The following ARHGEF10L variants were observed in gnomAD, a reference collection of about 807,000 sequenced individuals.
ARHGEF10L encodes Rho guanine nucleotide exchange factor 10 like.
In ARHGEF10L, 69 loss-of-function variants were observed where a neutral mutation model predicts 141.2. The ratio of observed to expected loss-of-function variants is 0.49; its 90% CI spans 0.40 to 0.60. ARHGEF10L has a LOEUF of 0.60. Among genes scored for constraint, ARHGEF10L ranks in the 20% least tolerant of loss-of-function variants. The pLI is 0.00. For missense variants in ARHGEF10L, 1,482 were observed against 1,734.3 expected (o/e 0.85, Z 2.58); for synonymous variants, 711 against 718.5 (o/e 0.99, Z 0.17).
intron 2 of ARHGEF10L, among the ~76,000 whole-genome samples, chr1:17,586,649 G>A (rs1014829207): frequency 2.0e-5 from 3 of 152,258 alleles, no homozygotes; most frequent in Non-Finnish European, 2.9e-5. Context: ...GGTCTGGGCC[G>A]GTCCAGGACC....
chr1:17,666,405 G>T (rs1054938762), intron 26 of ARHGEF10L, among the ~76,000 whole-genome samples: 1 of 152,156 alleles, frequency 6.6e-6, no homozygotes, highest in Non-Finnish European at 1.5e-5. Flanking sequence ...CCATGTGCAG[G>T]ACCAGTGGGT....
intron 9 of ARHGEF10L, among the ~76,000 whole-genome samples, chr1:17,616,768 G>T (rs2059830505): frequency 1.3e-5 from 2 of 152,218 alleles, no homozygotes; most frequent in Admixed American, 1.3e-4. Context: ...GGATGGACTT[G>T]GGGGATGAAA....
chr1:17,676,528 T>C (rs1457655025), intron 26 of ARHGEF10L, among the ~76,000 whole-genome samples: 1 of 151,956 alleles, frequency 6.6e-6, no homozygotes, highest in African/African-American at 2.4e-5. Context: ...GCAGGCTCCA[T>C]GTGGCTCCCC....
intron 4 of ARHGEF10L, among the ~76,000 whole-genome samples, chr1:17,601,066 A>AAC (rs1553187684): frequency 3.7e-4 from 45 of 120,696 alleles, no homozygotes; most frequent in African/African-American, 1.3e-3. Flanking sequence ...AAAAAAAAAA[A>AAC]AACAAAAAAC....
Position 17,613,140 on chromosome 1 carries a change from A to G in ARHGEF10L, c.692A>G (p.Asp231Gly). Reference protein sequence around the residue: ...DILALRVGGRDMQELKHKYDC... With the variant: ...DILALRVGGRGMQELKHKYDC... ...TTGGCTTTGAGAGTTGGGGGGAGAGACATGCAGGAGCTGAAGCACAAGTAC... is the reference window on the plus strand; with the variant it reads ...TTGGCTTTGAGAGTTGGGGGGAGAGGCATGCAGGAGCTGAAGCACAAGTAC... The change falls in exon 8 of 29, where the codon GAC becomes GGC. Residue 231 changes from aspartate (D) to glycine (G), a missense_variant. Coordinates refer to ENST00000361221, the MANE Select transcript of ARHGEF10L (RefSeq NM_018125.4). The G allele has an allele frequency of 6.2e-7, 1 of 1,613,850 alleles. No individual in the cohort carries two copies. The highest frequency in any genetic ancestry group is 8.5e-7 in the Non-Finnish European group (1 of 1,179,872).
chr1:17,624,670 C>T (rs1482209837), intron 13 of ARHGEF10L, among the ~76,000 whole-genome samples, 167 bp downstream of exon 13: 1 of 152,158 alleles, frequency 6.6e-6, no homozygotes, highest in Admixed American at 6.5e-5. Context: ...AAATCGTTCC[C>T]TCCTGCCCCT....
At chr1:17,551,326 C>A (rs28441344) in intron 1 of ARHGEF10L, among the ~76,000 whole-genome samples, 2,771 of 141,708 alleles carry the variant, frequency 0.02, 82 homozygotes, top group African/African-American at 0.069. Context: ...GAAGGGTGGG[C>A]GGTGCCTGAT....
the ARHGEF10L span, among the ~76,000 whole-genome samples, chr1:17,526,366 C>T: frequency 6.6e-6 from 1 of 152,194 alleles, no homozygotes; most frequent in African/African-American, 2.4e-5. Flanking sequence ...GGAGAAGAGG[C>T]CTCCTAAGTC....
intron 1 of ARHGEF10L, among the ~76,000 whole-genome samples, chr1:17,556,090 C>A (rs1159339289): frequency 1.8e-5 from 2 of 114,098 alleles, no homozygotes; most frequent in Non-Finnish European, 1.7e-5. Flanking sequence ...GGCCTGGGAA[C>A]ACAGGGATGA....
chr1:17,526,573 T>G, the ARHGEF10L span, among the ~76,000 whole-genome samples: 1 of 152,152 alleles, frequency 6.6e-6, no homozygotes, highest in African/African-American at 2.4e-5. Flanking sequence ...GGCCATATCT[T>G]GGCACCAGGG....
At chr1:17,592,807 C>T (rs780762855) in intron 4 of ARHGEF10L, among the ~76,000 whole-genome samples, 12 of 152,152 alleles carry the variant, frequency 7.9e-5, no homozygotes, top group African/African-American at 1.7e-4. Flanking sequence ...GAGCCTCCTG[C>T]GTCCTGTCCC....
chr1:17,603,471 C>T lies in ARHGEF10L; in HGVS notation c.350-37C>T, dbSNP rs770950032. ...AGCACCTCTGGCCAGGCTGCCACAGCCCACGGTGGTGCTCTCTCTCCCCAC... is the reference window on the plus strand; with the variant it reads ...AGCACCTCTGGCCAGGCTGCCACAGTCCACGGTGGTGCTCTCTCTCCCCAC... On this transcript the variant is annotated intron_variant, in intron 5 of 28. Coordinates refer to ENST00000361221, the MANE Select transcript of ARHGEF10L (RefSeq NM_018125.4). The surrounding 1 kb of genome is among the most constrained non-coding windows in gnomAD (Gnocchi z 4.8). 3 of 1,586,674 alleles carry T rather than the reference C, an allele frequency of 1.9e-6. No homozygotes were observed. Among genetic ancestry groups the T allele is most frequent in the East Asian group, 2.2e-5 (1 of 44,532 alleles).
At chr1:17,515,291 C>CTTTTTT in the ARHGEF10L span, among the ~76,000 whole-genome samples, 1 of 132,000 alleles carries the variant, frequency 7.6e-6, no homozygotes, top group Non-Finnish European at 1.6e-5. Context: ...CTTTTTCTCT[C>CTTTTTT]TTTTTTTTTT....
rs887010010 is a variant in ARHGEF10L at position 17,637,330 on chromosome 1, C to G, written c.1928-558C>G. ...CACTTCCAGCCCTATGCAGGCCCCT[C>G]CTCTCTCCCAGGCACAGCTTGCTCT... On this transcript the variant is annotated intron_variant, in intron 18 of 28. Coordinates refer to ENST00000361221, the MANE Select transcript of ARHGEF10L (RefSeq NM_018125.4). Among the ~76,000 whole-genome samples the G allele has an allele frequency of 2.6e-5, 4 of 152,326 alleles. No homozygotes were observed. In the East Asian group the frequency reaches 5.8e-4, roughly 22 times the overall value.
chr1:17,619,604 C>T lies in ARHGEF10L; in HGVS notation c.942+159C>T, dbSNP rs528128142. On this transcript the variant is annotated intron_variant, in intron 10 of 28. Coordinates refer to ENST00000361221, the MANE Select transcript of ARHGEF10L (RefSeq NM_018125.4). This position sits in a 1 kb window ranked among gnomAD's most constrained non-coding sequence, Gnocchi z 5.0. Reference sequence around the variant, plus strand: ...GCTGGATAGGGGCCTCCTAGGTTCTCTCCTCAGCTATTGAACAGGCTTTCC... The same window carrying T: ...GCTGGATAGGGGCCTCCTAGGTTCTTTCCTCAGCTATTGAACAGGCTTTCC... Among the ~76,000 whole-genome samples the T allele has an allele frequency of 8.2e-3, 1,245 of 152,256 alleles. 21 individuals carry two copies. The highest frequency in any genetic ancestry group is 0.023 in the African/African-American group (951 of 41,536).
chr1:17,561,434 C>T (rs1339050359), intron 1 of ARHGEF10L, among the ~76,000 whole-genome samples: 1 of 152,192 alleles, frequency 6.6e-6, no homozygotes, highest in South Asian at 2.1e-4. Context: ...CTTGGTCCTG[C>T]CCCCCGCAGC....
At chr1:17,554,896 C>T (rs1290328058) in intron 1 of ARHGEF10L, among the ~76,000 whole-genome samples, 1 of 152,096 alleles carries the variant, frequency 6.6e-6, no homozygotes, top group African/African-American at 2.4e-5. Flanking sequence ...CGACCCTGGC[C>T]ACTTTCATGG....
intron 26 of ARHGEF10L, among the ~76,000 whole-genome samples, chr1:17,680,787 C>CTT (rs34585748): frequency 1.6e-3 from 219 of 136,356 alleles, no homozygotes; most frequent in African/African-American, 5.3e-3. Context: ...TCTCCCATAA[C>CTT]TTTTTTTTTT....
At chr1:17,533,799 G>A in the ARHGEF10L span, among the ~76,000 whole-genome samples, 2 of 152,096 alleles carry the variant, frequency 1.3e-5, no homozygotes, top group African/African-American at 4.8e-5. Flanking sequence ...GTAGCAAAAC[G>A]TGACCTAGTC....
Sources: allele counts gnomAD v4.1 joint callset (sites outside exome capture counted in the v4.1 genomes callset), GRCh38; gene constraint gnomAD v4.1.1; non-coding constraint Gnocchi (gnomAD v3.1); transcripts MANE v1.5; gene names NCBI Gene and HGNC (gene_info 2026-07-23, HGNC 2026-07-21).